Variants in PDK1 observed in about 807,000 individuals in gnomAD.
PDK1 encodes [Pyruvate dehydrogenase (acetyl-transferring)] kinase isozyme 1, mitochondrial.
PDK1 carries 39 observed loss-of-function variants against 54.2 expected under a neutral mutation model. That is an observed-to-expected ratio of 0.72 (90% confidence interval 0.56 to 0.94). The LOEUF is 0.94. PDK1 is among the 40% of genes least tolerant of loss of function. The pLI, the probability that PDK1 is intolerant of heterozygous loss-of-function variation, is 0.00. For synonymous variants in PDK1, 221 were observed against 207.1 expected (o/e 1.07, Z -0.58); for missense variants, 552 against 566.0 (o/e 0.98, Z 0.25).
At chr2:172,667,681 T>C in the PDK1 span, among the ~76,000 whole-genome samples, 1 of 152,220 alleles carries the variant, frequency 6.6e-6, no homozygotes, top group African/African-American at 2.4e-5. Flanking sequence ...TTGTCAGATA[T>C]AAGCTAATTC....
the PDK1 span, among the ~76,000 whole-genome samples, chr2:172,722,805 T>C: frequency 6.6e-6 from 1 of 152,122 alleles, no homozygotes; most frequent in Non-Finnish European, 1.5e-5. Context: ...GCACTTACCA[T>C]TAAGGCAATA....
Position 172,599,357 on chromosome 2 carries a change from G to A in PDK1, c.*3388G>A, listed in dbSNP as rs1461412731. The A allele has an allele frequency of 6.6e-6, 1 of 152,116 alleles. No individual in the cohort carries two copies. The highest frequency in any genetic ancestry group is 1.5e-5 in the Non-Finnish European group (1 of 68,014). The allele number at this position is 152,116 out of a possible 1,614,324, so 9.4% of individuals were successfully genotyped here. A position where few individuals can be genotyped will look rare whatever the true frequency, so the allele number is the denominator to read the frequency against. On this transcript the variant is annotated 3_prime_UTR_variant, in exon 11 of 11. Coordinates refer to ENST00000282077, the MANE Select transcript of PDK1 (RefSeq NM_002610.5). The stretch of plus-strand genomic sequence containing the variant: ...AGGTAAATAGCTGGGAAAACTGTTA[G>A]TTTTAAGGTCCCACTGTTGCTCTGT...
the PDK1 span, among the ~76,000 whole-genome samples, chr2:172,695,594 A>G: frequency 6.6e-6 from 1 of 152,134 alleles, no homozygotes; most frequent in East Asian, 1.9e-4. Flanking sequence ...CTCCCAACCA[A>G]TAGTATATGG....
chr2:172,616,032 G>A, the PDK1 span, among the ~76,000 whole-genome samples: 2 of 152,138 alleles, frequency 1.3e-5, no homozygotes, highest in Non-Finnish European at 2.9e-5. Context: ...AACCTGCTTA[G>A]TAATCAAGGA....
Position 172,556,240 on chromosome 2 carries a change from G to T in PDK1, c.90G>T (p.Ser30=). 6.8e-7 allele frequency: 1 copy of T among 1,460,464 alleles called. No individual in the cohort carries two copies. Among genetic ancestry groups the T allele is most frequent in the Admixed American group, 2.8e-5 (1 of 35,524 alleles). The allele number at this position is 1,460,464 out of a possible 1,614,324, so 90.5% of individuals were successfully genotyped here. ...CCGGCTTCAGCCGCAGCTTCAGCTC[G>T]GACTCGGGCTCCAGCCCGGCGTCCG... ...RAAGFSRSFS[S]DSGSSPASER... Residue 30 remains serine, a synonymous_variant, in exon 1 of 11, where the codon TCG becomes TCT. Transcript: ENST00000282077.
chr2:172,555,830 C>T (rs933236832), upstream of PDK1: 10 of 251,312 alleles, frequency 4.0e-5, no homozygotes, highest in Non-Finnish European at 7.5e-5. Context: ...CACGCTCACC[C>T]CACACCTCGC....
the PDK1 span, among the ~76,000 whole-genome samples, chr2:172,718,119 C>T: frequency 6.6e-6 from 1 of 152,044 alleles, no homozygotes; most frequent in African/African-American, 2.4e-5. Flanking sequence ...ATGTAATTTG[C>T]TGAAAAATTT....
At chr2:172,684,633 A>G in the PDK1 span, among the ~76,000 whole-genome samples, 1 of 152,118 alleles carries the variant, frequency 6.6e-6, no homozygotes, top group Admixed American at 6.5e-5. Context: ...GACTCTGAAT[A>G]TAAACTTTCT....
the PDK1 span, among the ~76,000 whole-genome samples, chr2:172,637,890 G>A: frequency 4.7e-4 from 71 of 152,126 alleles, no homozygotes; most frequent in African/African-American, 1.6e-3. Flanking sequence ...TAGAGATGGC[G>A]TTTCACCATG....
chr2:172,672,038 GT>G, the PDK1 span, among the ~76,000 whole-genome samples: 1 of 152,230 alleles, frequency 6.6e-6, no homozygotes, highest in Admixed American at 6.5e-5. Context: ...AGCACCATGA[GT>G]TGGTAGAAGT....
chr2:172,568,550 A>G (rs901333859), intron 6 of PDK1, among the ~76,000 whole-genome samples, 191 bp from the exon 7 acceptor site: 2 of 152,182 alleles, frequency 1.3e-5, no homozygotes, highest in African/African-American at 4.8e-5. Flanking sequence ...GACTCTTGTC[A>G]TCATCAGTTG....
chr2:172,601,413 T>A lies in PDK1; in HGVS notation c.*5444T>A, dbSNP rs965310480. 1 of 152,166 alleles carries A rather than the reference T, an allele frequency of 6.6e-6. No homozygotes were observed. Among genetic ancestry groups the A allele is most frequent in the African/African-American group, 2.4e-5 (1 of 41,440 alleles). The allele number at this position is 152,166 out of a possible 1,614,324, so 9.4% of individuals were successfully genotyped here. A position where few individuals can be genotyped will look rare whatever the true frequency, so the allele number is the denominator to read the frequency against. ...CTCATCTTGAATTATAATCTCAACATGTTAAGGGAGAGACCAGATGAAAGT... is the reference window on the plus strand; with the variant it reads ...CTCATCTTGAATTATAATCTCAACAAGTTAAGGGAGAGACCAGATGAAAGT... On this transcript the variant is annotated 3_prime_UTR_variant, in exon 11 of 11. Transcript: ENST00000282077.
chr2:172,686,674 C>G, the PDK1 span, among the ~76,000 whole-genome samples: 1 of 152,234 alleles, frequency 6.6e-6, no homozygotes, highest in African/African-American at 2.4e-5. Flanking sequence ...TGCTGCTGCT[C>G]ACTGTCTGCT....
chr2:172,585,137 C>G (rs778732056), intron 8 of PDK1, among the ~76,000 whole-genome samples: 2 of 151,550 alleles, frequency 1.3e-5, no homozygotes, highest in Non-Finnish European at 2.9e-5. Context: ...GCTGGGATCA[C>G]AGTTGTATGC....
At chr2:172,587,551 A>G (rs1690314436) in intron 9 of PDK1, among the ~76,000 whole-genome samples, 1 of 152,126 alleles carries the variant, frequency 6.6e-6, no homozygotes, top group African/African-American at 2.4e-5. Context: ...GTTACAGCTC[A>G]TAAAGGTAGT....
rs182986221 is a variant in PDK1 at position 172,607,277 on chromosome 2, C to G, written c.*11308C>G. On this transcript the variant is annotated 3_prime_UTR_variant, in exon 11 of 11. Transcript: ENST00000282077. ...CTGCACTCCAGCCTGGGTGACAGAG[C>G]GAGGTTGCTTCTAAAACAAAAATTT... is the stretch of plus-strand genomic sequence containing the variant. 1.3e-5 allele frequency: 2 copies of G among 152,238 alleles called. No individual in the cohort carries two copies. The highest frequency in any genetic ancestry group is 1.3e-4 in the Admixed American group (2 of 15,288). 9.4% of individuals were successfully genotyped at this position (152,238 alleles called of 1,614,324 possible).
chr2:172,577,209 T>C (rs1354523203), intron 8 of PDK1, among the ~76,000 whole-genome samples: 1 of 152,206 alleles, frequency 6.6e-6, no homozygotes, highest in Non-Finnish European at 1.5e-5. Flanking sequence ...ATTTTGTCTC[T>C]TATAACAGTT....
At chr2:172,684,575 T>G in the PDK1 span, among the ~76,000 whole-genome samples, 1 of 152,192 alleles carries the variant, frequency 6.6e-6, no homozygotes, top group Non-Finnish European at 1.5e-5. Flanking sequence ...TTAAGTGGCC[T>G]TGGGATCAGT....
intron 8 of PDK1, among the ~76,000 whole-genome samples, chr2:172,578,406 A>G (rs1279184860): frequency 1.3e-5 from 2 of 152,124 alleles, no homozygotes; most frequent in African/African-American, 2.4e-5. Context: ...GTTCTCTTAT[A>G]TAATATCTAT....
Sources: allele counts gnomAD v4.1 joint callset (sites outside exome capture counted in the v4.1 genomes callset), GRCh38; gene constraint gnomAD v4.1.1; transcripts MANE v1.5; gene names NCBI Gene and HGNC (gene_info 2026-07-23, HGNC 2026-07-21).